FRMD4A: variants seen among roughly 807,000 people sequenced by gnomAD.
FRMD4A encodes the protein FERM domain containing 4A, also known as FERM domain-containing protein 4A.
A neutral mutation model predicts 129.1 loss-of-function variants in FRMD4A; 29 were observed. The observed-to-expected ratio is 0.22, with a 90% confidence interval of 0.17 to 0.31. The LOEUF (loss-of-function observed/expected upper bound fraction) is 0.31, where lower values mean the gene tolerates loss of function less well. Among genes scored for constraint, FRMD4A ranks in the 10% least tolerant of loss-of-function variants. FRMD4A has a pLI of 1.00. For missense variants in FRMD4A, 1,272 were observed against 1,375.8 expected (o/e 0.92, Z 1.19); for synonymous variants, 634 against 571.6 (o/e 1.11, Z -1.56).
chr10:14,087,752 C>T (rs1220331073), intron 2 of FRMD4A: 3 of 152,140 alleles, frequency 2.0e-5, no homozygotes, highest in African/African-American at 4.8e-5. Flanking sequence ...TCATAAAGCC[C>T]GACTCAGAAG....
chr10:14,215,881 C>T (rs1226880433), intron 2 of FRMD4A, among the ~76,000 whole-genome samples: 1 of 152,150 alleles, frequency 6.6e-6, no homozygotes, highest in Non-Finnish European at 1.5e-5. Context: ...GTCCTTACTT[C>T]GTAGCTGCCC....
intron 2 of FRMD4A, among the ~76,000 whole-genome samples, chr10:14,218,949 T>C (rs1187699148): frequency 1.3e-5 from 1 of 78,252 alleles, no homozygotes; most frequent in African/African-American, 6.6e-5. Context: ...GAGTGAGACT[T>C]CATCTCAAAA....
intron 2 of FRMD4A, among the ~76,000 whole-genome samples, chr10:14,280,166 G>A (rs976797011): frequency 3.3e-5 from 5 of 152,302 alleles, no homozygotes; most frequent in Admixed American, 1.3e-4. Flanking sequence ...AGGACAGTGC[G>A]ATGTGGTGGT....
chr10:14,301,893 G>A (rs541575553), intron 2 of FRMD4A, among the ~76,000 whole-genome samples: 34 of 152,074 alleles, frequency 2.2e-4, no homozygotes, highest in Non-Finnish European at 3.7e-4. Flanking sequence ...TGGATGGTTG[G>A]GTGCAGGTTG....
chr10:14,263,542 C>A (rs1030394491), intron 2 of FRMD4A, among the ~76,000 whole-genome samples: 5 of 152,112 alleles, frequency 3.3e-5, no homozygotes. Context: ...TTACCCTTGC[C>A]CACGATCAGC....
intron 2 of FRMD4A, among the ~76,000 whole-genome samples, chr10:14,142,766 T>C (rs979631199): frequency 6.6e-6 from 1 of 152,232 alleles, no homozygotes; most frequent in South Asian, 2.1e-4. Flanking sequence ...AACTTGGATC[T>C]TCCCACTACA....
rs1017437875 is a variant in FRMD4A, at chr10:13,747,641, G to A, written c.548+95C>T. 4.3e-5 allele frequency: 30 copies of A among 689,768 alleles called. 1 individual carries two copies. The highest frequency in any genetic ancestry group is 2.8e-4 in the African/African-American group (16 of 57,252). The allele number at this position is 689,768 out of a possible 1,614,324, so 42.7% of individuals were successfully genotyped here. On this transcript the variant is annotated intron_variant, in intron 9 of 24. Transcript: ENST00000357447. Reference sequence around the variant, plus strand: ...TACAGCTGCAAGTCCAGGCTGGCACGTGGGAGCTGGTGGAGGGAGGGTACA... The same window carrying A: ...TACAGCTGCAAGTCCAGGCTGGCACATGGGAGCTGGTGGAGGGAGGGTACA...
intron 2 of FRMD4A, among the ~76,000 whole-genome samples, chr10:13,940,868 A>G (rs2095286416): frequency 6.6e-6 from 1 of 152,172 alleles, no homozygotes; most frequent in Admixed American, 6.5e-5. Flanking sequence ...CCGGTAAACC[A>G]TGGGCCAGAG....
At chr10:13,792,800 G>C (rs1312026993) in intron 5 of FRMD4A, among the ~76,000 whole-genome samples, 4 of 152,132 alleles carry the variant, frequency 2.6e-5, no homozygotes, top group African/African-American at 9.7e-5. Context: ...CTGAATGATG[G>C]GTCAATGAAG....
At chr10:13,867,738 CATATAATATAATA>C (rs2094389506) in intron 2 of FRMD4A, among the ~76,000 whole-genome samples, 1 of 11,922 alleles carries the variant, frequency 8.4e-5, no homozygotes, top group East Asian at 3.1e-3. Context: ...TAATAAATAA[CATATAATATAATA>C]TATAATATAT....
At chr10:14,301,445 C>T (rs933500030) in intron 2 of FRMD4A, among the ~76,000 whole-genome samples, 2 of 152,186 alleles carry the variant, frequency 1.3e-5, no homozygotes, top group African/African-American at 4.8e-5. Context: ...GGAAACGTCT[C>T]CTAGACAGAA....
chr10:14,193,577 T>C (rs1005107578), intron 2 of FRMD4A, among the ~76,000 whole-genome samples: 54 of 148,814 alleles, frequency 3.6e-4, no homozygotes, highest in Admixed American at 5.6e-4. Flanking sequence ...TTGAAGAACA[T>C]ACAATTTAGT....
At chr10:14,040,019 T>C (rs1337190856) in intron 2 of FRMD4A, among the ~76,000 whole-genome samples, 1 of 152,220 alleles carries the variant, frequency 6.6e-6, no homozygotes, top group Non-Finnish European at 1.5e-5. Context: ...CTGTTCCAAG[T>C]GCCTTAGAAA....
Position 13,868,213 on chromosome 10 carries a change from T to A in FRMD4A, c.46-9301A>T, listed in dbSNP as rs189167222. ...AGGCCAAAGGTTGATTGTAATTTTT[T>A]AATAAAATTTTTAATACAAATTTTT... On this transcript the variant is annotated intron_variant, in intron 2 of 24. Coordinates refer to ENST00000357447, the MANE Select transcript of FRMD4A (RefSeq NM_018027.5). Among the ~76,000 whole-genome samples, 609 of 152,030 alleles carry A rather than the reference T, an allele frequency of 4.0e-3. 2 individuals are homozygous for A. The highest frequency in any genetic ancestry group is 0.014 in the African/African-American group (582 of 41,558).
intron 15 of FRMD4A, among the ~76,000 whole-genome samples, chr10:13,688,746 CTCTG>C (rs755320114): frequency 6.6e-6 from 1 of 152,094 alleles, no homozygotes; most frequent in African/African-American, 2.4e-5. Context: ...CAGAGTCTCG[CTCTG>C]TCTCACAGGC....
chr10:13,962,852 A>C (rs886960199), intron 2 of FRMD4A, among the ~76,000 whole-genome samples: 3 of 152,064 alleles, frequency 2.0e-5, no homozygotes, highest in African/African-American at 7.2e-5. Flanking sequence ...GTAAACCTCC[A>C]AACAAAGTAT....
intron 6 of FRMD4A, among the ~76,000 whole-genome samples, chr10:13,777,791 A>ATTTTTTTTTTTTTTTT (rs34059772): frequency 8.1e-5 from 7 of 85,984 alleles, no homozygotes; most frequent in South Asian, 5.5e-4. Flanking sequence ...CTTTGGGTCA[A>ATTTTTTTTTTTTTTTT]TTTTTTTTTT....
intron 2 of FRMD4A, among the ~76,000 whole-genome samples, chr10:13,969,421 T>C (rs1230048814): frequency 6.6e-6 from 1 of 152,232 alleles, no homozygotes; most frequent in Admixed American, 6.5e-5. Flanking sequence ...TGAGTCATGC[T>C]TGAGCAGGAA....
chr10:13,820,402 AGGCGG>A (rs1435211845), intron 3 of FRMD4A, among the ~76,000 whole-genome samples: 6 of 152,284 alleles, frequency 3.9e-5, no homozygotes, highest in Admixed American at 3.9e-4. Context: ...CTGGGAAGGC[AGGCGG>A]GCCTTGGTCT....
Sources: gnomAD v4.1 joint callset for allele counts (sites outside exome capture counted in the v4.1 genomes callset) on GRCh38, gnomAD v4.1.1 for gene constraint, MANE v1.5 for transcripts, NCBI Gene and HGNC (gene_info 2026-07-23, HGNC 2026-07-21) for gene names.